Variants in UGT1A8 observed in about 807,000 individuals in gnomAD.
UGT1A8 encodes the protein UDP-glucuronosyltransferase 1A8.
UGT1A8 carries 39 observed loss-of-function variants against 45.3 expected under a neutral mutation model. The observed-to-expected ratio is 0.86, with a 90% CI of 0.67 to 1.12. The LOEUF (loss-of-function observed/expected upper bound fraction) is 1.12. UGT1A8 is among the 50% of genes most tolerant of loss of function. The pLI is 0.00. For missense variants in UGT1A8, 719 were observed against 664.9 expected (o/e 1.08, Z -0.90); for synonymous variants, 275 against 249.2 (o/e 1.10, Z -0.97).
chr2:233,632,016 G>A (rs1348359708), intron 1 of UGT1A8, among the ~76,000 whole-genome samples: 2 of 152,128 alleles, frequency 1.3e-5, no homozygotes, highest in Non-Finnish European at 1.5e-5. Context: ...TTTGTATAAG[G>A]TGTAAGGAAG....
intron 1 of UGT1A8, among the ~76,000 whole-genome samples, chr2:233,619,743 T>C (rs1012553424): frequency 2.0e-5 from 3 of 152,338 alleles, no homozygotes; most frequent in African/African-American, 7.2e-5. Flanking sequence ...GTATGTATCT[T>C]GTATCCAGCC....
chr2:233,632,648 AT>A (rs1185257487), intron 1 of UGT1A8, among the ~76,000 whole-genome samples: 1 of 152,158 alleles, frequency 6.6e-6, no homozygotes, highest in Non-Finnish European at 1.5e-5. Context: ...TTATTGGTGT[AT>A]AGGAATGCTT....
intron 1 of UGT1A8, among the ~76,000 whole-genome samples, chr2:233,715,509 C>T (rs991063274): frequency 6.6e-6 from 1 of 152,138 alleles, no homozygotes; most frequent in Non-Finnish European, 1.5e-5. Flanking sequence ...GGGTAGCTCA[C>T]ACCTGTAATT....
Position 233,734,700 on chromosome 2 carries a change from T to TTG in UGT1A8, c.856-32334_856-32333insTG, listed in dbSNP as rs1319489997. Among the ~76,000 whole-genome samples the TTG allele has an allele frequency of 9.9e-3, 1,501 of 152,266 alleles. 21 individuals carry two copies. Among genetic ancestry groups the TTG allele is most frequent in the African/African-American group, 0.034 (1,432 of 41,556 alleles). ...ACTGATTTAAATGTGTCCCAGAGATTCTGGTATGTTGTGTCTTTGTTCTCG... is the reference window on the plus strand; with the variant it reads ...ACTGATTTAAATGTGTCCCAGAGATTTGCTGGTATGTTGTGTCTTTGTTCTCG... On this transcript the variant is annotated intron_variant, in intron 1 of 4. Coordinates refer to ENST00000373450, the MANE Select transcript of UGT1A8 (RefSeq NM_019076.5).
chr2:233,738,549 T>C (rs577240283), intron 1 of UGT1A8, among the ~76,000 whole-genome samples: 15 of 152,296 alleles, frequency 9.8e-5, no homozygotes, highest in Admixed American at 3.9e-4. Flanking sequence ...GAGTCTCAGA[T>C]AGAGATGAGG....
At chr2:233,705,847 G>A (rs1288206523) in intron 1 of UGT1A8, among the ~76,000 whole-genome samples, 1 of 152,146 alleles carries the variant, frequency 6.6e-6, no homozygotes, top group African/African-American at 2.4e-5. Flanking sequence ...AGCTGAAGTG[G>A]GAAGCTGAGG....
chr2:233,660,271 C>G (rs925955295), intron 1 of UGT1A8, among the ~76,000 whole-genome samples: 1 of 152,164 alleles, frequency 6.6e-6, no homozygotes, highest in African/African-American at 2.4e-5. Context: ...GTTGACAATC[C>G]TTTCCATAGA....
intron 1 of UGT1A8, among the ~76,000 whole-genome samples, chr2:233,642,298 G>A (rs773231686): frequency 6.6e-6 from 1 of 152,116 alleles, no homozygotes; most frequent in Non-Finnish European, 1.5e-5. Context: ...GCTATTAAAG[G>A]ACTTTGATGC....
chr2:233,752,697 G>A (rs1396469701), intron 1 of UGT1A8, among the ~76,000 whole-genome samples: 1 of 152,136 alleles, frequency 6.6e-6, no homozygotes, highest in African/African-American at 2.4e-5. Context: ...GTTTACTAGT[G>A]GGGTATGATC....
intron 1 of UGT1A8, among the ~76,000 whole-genome samples, chr2:233,665,478 T>C (rs552210006): frequency 9.9e-5 from 15 of 152,208 alleles, no homozygotes; most frequent in African/African-American, 3.6e-4. Context: ...AAGTAGTGCC[T>C]TGTACACTTT....
intron 1 of UGT1A8, among the ~76,000 whole-genome samples, chr2:233,695,130 C>CTT (rs71398796): frequency 2.9e-5 from 4 of 138,836 alleles, no homozygotes; most frequent in Admixed American, 7.1e-5. Context: ...CTTTTCTTTT[C>CTT]TTTTTTTTTT....
chr2:233,682,057 C>T (rs1307125349), intron 1 of UGT1A8: 2 of 1,614,088 alleles, frequency 1.2e-6, no homozygotes, highest in East Asian at 2.2e-5. Flanking sequence ...ACTGGTTCAC[C>T]ATGCAGTCGG....
At chr2:233,656,806 TG>T (rs1421031485) in intron 1 of UGT1A8, among the ~76,000 whole-genome samples, 1 of 152,186 alleles carries the variant, frequency 6.6e-6, no homozygotes, top group African/African-American at 2.4e-5. Context: ...TCACTTGTTG[TG>T]GGAGACGGGC....
In UGT1A8 at chr2:233,713,489, G is replaced by A. The variant is rs17868332; in HGVS notation, c.856-53545G>A. On this transcript the variant is annotated intron_variant, in intron 1 of 4. Transcript: ENST00000373450. ...CGGCGGTGCTGGCTAAGTACCTGTC[G>A]ATTCCTGCTGTGTTTTTCTTGAGGA... 26 of 1,613,820 alleles carry A rather than the reference G, an allele frequency of 1.6e-5. No individual in the cohort carries two copies. In the Admixed American group the frequency reaches 2.0e-4, roughly 12 times the overall value.
At chr2:233,756,964 A>G (rs1482766015) in intron 1 of UGT1A8, among the ~76,000 whole-genome samples, 2 of 152,056 alleles carry the variant, frequency 1.3e-5, no homozygotes, top group African/African-American at 4.8e-5. Context: ...GGCACTTGGT[A>G]AGCACGCAAT....
intron 1 of UGT1A8, among the ~76,000 whole-genome samples, chr2:233,626,859 C>CAA (rs980727271): frequency 2.6e-5 from 4 of 152,048 alleles, no homozygotes; most frequent in African/African-American, 9.7e-5. Flanking sequence ...TGTCCAATAT[C>CAA]AAAAGAATTT....
intron 1 of UGT1A8, chr2:233,718,664 G>C: frequency 6.5e-7 from 1 of 1,540,864 alleles, no homozygotes; most frequent in Non-Finnish European, 8.7e-7. Flanking sequence ...GGCAGTTATA[G>C]ATTAATGGGT....
At chr2:233,755,508 C>T (rs1304593728) in intron 1 of UGT1A8, 5 of 166,694 alleles carry the variant, frequency 3.0e-5, no homozygotes, top group Non-Finnish European at 5.2e-5. Flanking sequence ...AGACCAGGCC[C>T]CGCCCACTCC....
rs536568822 is a variant in UGT1A8 at position 233,693,974 on chromosome 2, C to T, written c.856-73060C>T. ...TCCCTTGGAGGATTTCCTGGAGAAA[C>T]GGTGGGGGGAAGTGATACCCGGCTC... is the stretch of plus-strand genomic sequence containing the variant. On this transcript the variant is annotated intron_variant, in intron 1 of 4. Transcript: ENST00000373450. 146 of 1,566,540 alleles carry T rather than the reference C, an allele frequency of 9.3e-5. No homozygotes were observed. In the East Asian group the frequency reaches 2.5e-3, roughly 26 times the overall value.
Sources: allele counts gnomAD v4.1 joint callset (sites outside exome capture counted in the v4.1 genomes callset), GRCh38; gene constraint gnomAD v4.1.1; transcripts MANE v1.5; gene names NCBI Gene and HGNC (gene_info 2026-07-23, HGNC 2026-07-21).